DGKB: variants seen among roughly 807,000 people sequenced by gnomAD.
DGKB encodes 90 kDa diacylglycerol kinase.
A neutral mutation model predicts 114.3 loss-of-function variants in DGKB; 67 were observed. The observed-to-expected ratio is 0.59, with a 90% CI of 0.48 to 0.72. The LOEUF (loss-of-function observed/expected upper bound fraction) is 0.72. Among genes scored for constraint, DGKB ranks in the 30% least tolerant of loss-of-function variants. The probability of loss-of-function intolerance (pLI) is 0.00; values close to 1 mark genes in which losing one functional copy is unlikely to be tolerated. For synonymous variants in DGKB, 398 were observed against 323.1 expected (o/e 1.23, Z -2.49); for missense variants, 907 against 975.2 (o/e 0.93, Z 0.93).
intron 21 of DGKB, among the ~76,000 whole-genome samples, chr7:14,476,312 T>C (rs150004262): frequency 2.6e-4 from 40 of 152,300 alleles, no homozygotes; most frequent in Admixed American, 9.2e-4. Context: ...ACAGTACATA[T>C]ACTTTCACTG....
At chr7:14,554,651 T>A (rs1795613029) in intron 20 of DGKB, among the ~76,000 whole-genome samples, 1 of 152,172 alleles carries the variant, frequency 6.6e-6, no homozygotes, top group South Asian at 2.1e-4. Context: ...TCTATTTACA[T>A]CATCATGTCA....
At chr7:14,767,181 T>C (rs937288937) in intron 2 of DGKB, among the ~76,000 whole-genome samples, 2 of 151,592 alleles carry the variant, frequency 1.3e-5, no homozygotes, top group African/African-American at 4.8e-5. Context: ...TAGAAATTAT[T>C]CAGTCGAGAG....
intron 13 of DGKB, among the ~76,000 whole-genome samples, chr7:14,631,159 G>A (rs551034595): frequency 6.6e-6 from 1 of 151,096 alleles, no homozygotes; most frequent in African/African-American, 2.4e-5. Flanking sequence ...ATCTGAGGGA[G>A]GGTCTGGGCA....
intron 23 of DGKB, among the ~76,000 whole-genome samples, chr7:14,188,891 T>C (rs557712327): frequency 1.3e-5 from 2 of 151,954 alleles, no homozygotes; most frequent in Non-Finnish European, 2.9e-5. Context: ...TTCAAAGTGC[T>C]GAAAGAAAAA....
chr7:14,491,027 C>T (rs1305900325), intron 20 of DGKB, among the ~76,000 whole-genome samples: 4 of 151,538 alleles, frequency 2.6e-5, no homozygotes, highest in African/African-American at 9.7e-5. Context: ...GTTTAAGGGG[C>T]TTTCTAGAGA....
rs548340793 is a variant in DGKB at position 14,775,189 on chromosome 7, AAT to A, written c.71-17460_71-17459del. Among the ~76,000 whole-genome samples, 38 of 151,716 alleles carry A rather than the reference AAT, an allele frequency of 2.5e-4. No homozygotes were observed. In the South Asian group the frequency reaches 7.7e-3, roughly 31 times the overall value. ...GCATTTTGAAGCTACTTTTTAATTT[AAT>A]ATATTTAAATTTATTTTCATGTTAA... On this transcript the variant is annotated intron_variant, in intron 2 of 25. Transcript: ENST00000402815.
At chr7:14,967,412 C>A (rs1324814698) in intron 1 of DGKB, among the ~76,000 whole-genome samples, 1 of 151,874 alleles carries the variant, frequency 6.6e-6, no homozygotes. Context: ...CTTCTGCCTC[C>A]TGAGTTCAAG....
intron 23 of DGKB, among the ~76,000 whole-genome samples, chr7:14,317,547 A>C (rs941240476): frequency 1.3e-5 from 2 of 151,584 alleles, no homozygotes; most frequent in Non-Finnish European, 2.9e-5. Context: ...TGCTTCAAAG[A>C]GAATAAAAGA....
chr7:14,251,397 C>T (rs1468888735), intron 23 of DGKB, among the ~76,000 whole-genome samples: 1 of 152,088 alleles, frequency 6.6e-6, no homozygotes, highest in Non-Finnish European at 1.5e-5. Flanking sequence ...TACACTTTTA[C>T]TTCTCCCACA....
chr7:14,862,329 C>T (rs1022963224), intron 1 of DGKB, among the ~76,000 whole-genome samples: 2 of 151,996 alleles, frequency 1.3e-5, no homozygotes, highest in Non-Finnish European at 2.9e-5. Flanking sequence ...AAATGTTACC[C>T]TCTTATCAAA....
intron 1 of DGKB, among the ~76,000 whole-genome samples, chr7:14,940,999 T>C (rs923451345): frequency 5.3e-5 from 8 of 152,112 alleles, no homozygotes; most frequent in Admixed American, 6.6e-5. Context: ...AGAATATAAA[T>C]GTATTATTGA....
At chr7:14,537,056 G>A (rs1044143305) in intron 20 of DGKB, among the ~76,000 whole-genome samples, 1 of 151,846 alleles carries the variant, frequency 6.6e-6, no homozygotes, top group Non-Finnish European at 1.5e-5. Context: ...CAGAAATACC[G>A]TCCCATTTAC....
At chr7:14,257,150 T>A (rs986549225) in intron 23 of DGKB, among the ~76,000 whole-genome samples, 3 of 152,156 alleles carry the variant, frequency 2.0e-5, no homozygotes, top group African/African-American at 7.2e-5. Flanking sequence ...GTGACAGATT[T>A]TTTATTCTGT....
chr7:14,664,078 C>T (rs1181168416), intron 13 of DGKB, among the ~76,000 whole-genome samples: 1 of 151,932 alleles, frequency 6.6e-6, no homozygotes, highest in Non-Finnish European at 1.5e-5. Context: ...ATTTTTAAAA[C>T]TCTGCAACTA....
intron 21 of DGKB, among the ~76,000 whole-genome samples, chr7:14,360,763 T>C (rs1181143007): frequency 6.6e-6 from 1 of 152,028 alleles, no homozygotes; most frequent in Non-Finnish European, 1.5e-5. Flanking sequence ...GGCAAAGCAA[T>C]CTCAAAATGC....
chr7:14,713,056 C>T (rs900695288), intron 6 of DGKB, among the ~76,000 whole-genome samples: 1 of 152,072 alleles, frequency 6.6e-6, no homozygotes, highest in Non-Finnish European at 1.5e-5. Flanking sequence ...GTTTAACCCA[C>T]ATTTTTTCCT....
intron 23 of DGKB, chr7:14,209,365 G>T (rs1584461851): frequency 2.2e-6 from 1 of 451,008 alleles, no homozygotes; most frequent in South Asian, 1.6e-5. Flanking sequence ...TATTTGGAAA[G>T]ATACAGACAC....
chr7:14,958,306 C>A (rs1786631535), intron 1 of DGKB, among the ~76,000 whole-genome samples: 1 of 151,958 alleles, frequency 6.6e-6, no homozygotes, highest in African/African-American at 2.4e-5. Context: ...TGAGGGAAAT[C>A]TGCATACAAC....
Position 14,574,381 on chromosome 7 carries a change from A to G in DGKB, c.1610-9T>C, listed in dbSNP as rs760866462. Reference sequence around the variant, plus strand: ...ATTCTCACCTTCGTAACCTAGTGGGAAAAAAAAATACCTTGAGAAAAGAAC... The same window carrying G: ...ATTCTCACCTTCGTAACCTAGTGGGGAAAAAAAATACCTTGAGAAAAGAAC... On this transcript the variant is annotated splice_polypyrimidine_tract_variant and intron_variant, in intron 19 of 25. Coordinates refer to ENST00000402815, the MANE Select transcript of DGKB (RefSeq NM_001350709.2). 16 of 1,524,922 alleles carry G rather than the reference A, an allele frequency of 1.0e-5. No homozygotes were observed. Among genetic ancestry groups the G allele is most frequent in the South Asian group, 3.7e-5 (3 of 81,580 alleles). The allele number at this position is 1,524,922 out of a possible 1,614,324, so 94.5% of individuals were successfully genotyped here. A position where few individuals can be genotyped will look rare whatever the true frequency, so the allele number is the denominator to read the frequency against.
Sources: gnomAD v4.1 joint callset for allele counts (sites outside exome capture counted in the v4.1 genomes callset) on GRCh38, gnomAD v4.1.1 for gene constraint, MANE v1.5 for transcripts, NCBI Gene and HGNC (gene_info 2026-07-23, HGNC 2026-07-21) for gene names.